Variants in TMEM131 observed in about 807,000 individuals in gnomAD.
TMEM131 encodes the protein transmembrane protein 131.
A neutral mutation model predicts 211.6 loss-of-function variants in TMEM131; 66 were observed. That is an observed-to-expected ratio of 0.31 (90% CI 0.26 to 0.38). The LOEUF (loss-of-function observed/expected upper bound fraction) is 0.38, where lower values mean the gene tolerates loss of function less well. TMEM131 is among the 10% of genes least tolerant of loss of function. TMEM131 has a pLI of 1.00. For missense variants in TMEM131, 2,036 were observed against 2,299.3 expected (o/e 0.89, Z 2.34); for synonymous variants, 844 against 841.3 (o/e 1.00, Z -0.06).
chr2:97,957,748 A>C (rs189430481), intron 1 of TMEM131, among the ~76,000 whole-genome samples: 72 of 152,380 alleles, frequency 4.7e-4, no homozygotes, highest in African/African-American at 1.4e-3. Flanking sequence ...CATGGCTGCC[A>C]AGTATGTTGA....
intron 2 of TMEM131, among the ~76,000 whole-genome samples, chr2:97,925,244 T>C (rs919103506): frequency 6.6e-6 from 1 of 152,180 alleles, no homozygotes; most frequent in Non-Finnish European, 1.5e-5. Context: ...TGCTTGTAAA[T>C]GAAAGAATCT....
Position 97,775,933 on chromosome 2 carries a change from T to C in TMEM131, c.4230A>G (p.Glu1410=), listed in dbSNP as rs764478263. The C allele has an allele frequency of 1.6e-5, 26 of 1,613,930 alleles. No individual in the cohort carries two copies. The South Asian group carries it at 2.5e-4, about 16-fold the overall frequency. ...KEKKGKGKPQ[E]DELKDSLADD... The stretch of plus-strand genomic sequence containing the variant: ...CAGCCAAAGAGTCCTTCAGCTCATC[T>C]TCCTGTGGCTTTCCCTTTCCCTTCT... The change falls in exon 32 of 41, where the codon GAA becomes GAG. Residue 1410 remains glutamate (E), a synonymous_variant. Transcript: ENST00000186436.
intron 11 of TMEM131, among the ~76,000 whole-genome samples, chr2:97,823,456 T>G (rs1682222317): frequency 6.6e-6 from 1 of 152,226 alleles, no homozygotes; most frequent in Non-Finnish European, 1.5e-5. Context: ...TGTCATGCTA[T>G]TGTTAGATCA....
At chr2:97,930,036 C>T (rs566375644) in intron 1 of TMEM131, among the ~76,000 whole-genome samples, 2 of 151,802 alleles carry the variant, frequency 1.3e-5, no homozygotes, top group Non-Finnish European at 2.9e-5. Context: ...CTGTTCCCCC[C>T]ACTTTTTAAC....
intron 2 of TMEM131, among the ~76,000 whole-genome samples, chr2:97,912,226 G>A (rs11688829): frequency 0.31 from 47,080 of 151,996 alleles, 8,605 homozygotes; most frequent in Non-Finnish European, 0.39. Context: ...AAGGAAAAAA[G>A]GAAATGGGAA....
chr2:97,792,267 T>C, intron 31 of TMEM131, 119 bp downstream of exon 31: 1 of 798,458 alleles, frequency 1.3e-6, no homozygotes, highest in South Asian at 2.3e-5. Flanking sequence ...GAGATAAATC[T>C]GAGCCAGAGG....
intron 31 of TMEM131, among the ~76,000 whole-genome samples, chr2:97,791,636 C>A (rs916073594): frequency 2.0e-5 from 3 of 152,236 alleles, no homozygotes; most frequent in Non-Finnish European, 2.9e-5. Context: ...ACCTTGACTG[C>A]AGTCCTGTGT....
chr2:97,810,988 T>C (rs1298698753), intron 18 of TMEM131, 140 bp downstream of exon 18: 3 of 665,404 alleles, frequency 4.5e-6, no homozygotes, highest in Admixed American at 2.4e-5. Context: ...TATAAACTAT[T>C]CTCGAAAGCT....
intron 1 of TMEM131, among the ~76,000 whole-genome samples, chr2:97,951,458 A>G (rs1415267928): frequency 1.3e-5 from 2 of 152,056 alleles, no homozygotes; most frequent in Non-Finnish European, 2.9e-5. Flanking sequence ...GGCTTGTTCT[A>G]CAGTCACCTC....
At chr2:97,757,965 T>C (rs867825741) in intron 40 of TMEM131, among the ~76,000 whole-genome samples, 17 of 152,120 alleles carry the variant, frequency 1.1e-4, no homozygotes, top group African/African-American at 4.1e-4. Flanking sequence ...ACCCCGTCTC[T>C]ACTAAAAATA....
chr2:97,840,710 AG>A (rs57635840), intron 7 of TMEM131, among the ~76,000 whole-genome samples: 10,907 of 152,314 alleles, frequency 0.072, 465 homozygotes, highest in Middle Eastern at 0.11. Context: ...AAACAACAGA[AG>A]GATGGTGAGG....
At chr2:97,865,398 G>A (rs149749565) in intron 4 of TMEM131, among the ~76,000 whole-genome samples, 112 of 152,320 alleles carry the variant, frequency 7.4e-4, no homozygotes, top group African/African-American at 2.5e-3. Flanking sequence ...TCACCATTAA[G>A]TACGATGTCA....
chr2:97,941,290 G>A (rs576431272), intron 1 of TMEM131, among the ~76,000 whole-genome samples: 3 of 152,208 alleles, frequency 2.0e-5, no homozygotes, highest in South Asian at 4.1e-4. Context: ...GCTGAAACTG[G>A]ATCCCTTCCT....
chr2:97,825,452 CG>C (rs777640083), intron 11 of TMEM131, among the ~76,000 whole-genome samples: 103 of 152,260 alleles, frequency 6.8e-4, no homozygotes, highest in Middle Eastern at 6.8e-3. Flanking sequence ...AAAACAGTTA[CG>C]GGGGTTCCTT....
Position 97,775,997 on chromosome 2 carries a change from C to T in TMEM131, c.4166G>A (p.Arg1389His), listed in dbSNP as rs747705474. The T allele has an allele frequency of 3.7e-6, 6 of 1,613,172 alleles. No homozygotes were observed. The highest frequency in any genetic ancestry group is 2.2e-5 in the East Asian group (1 of 44,878). The change falls in exon 32 of 41, where the codon CGC becomes CAC. Residue 1389 changes from arginine to histidine, a missense_variant. Arg to His is a conservative substitution (Grantham distance 29). This residue lies in a region of TMEM131 where 1,623 missense variants were observed against 1,805.9 expected (regional missense o/e 0.90). Coordinates refer to ENST00000186436, the MANE Select transcript of TMEM131 (RefSeq NM_015348.2). ...KSKGKGKPLQ[R>H]KVKPPKKQEE... ...TTGCTTCTTAGGTGGTTTCACCTTG[C>T]GCTGAAGAGGTTTTCCTTTCCCTGA...
At chr2:97,894,238 T>C (rs1028962148) in intron 3 of TMEM131, among the ~76,000 whole-genome samples, 3 of 152,226 alleles carry the variant, frequency 2.0e-5, no homozygotes, top group African/African-American at 7.2e-5. Flanking sequence ...TATTGGTTTA[T>C]GTATCTGTTT....
chr2:97,779,571 C>T (rs1182782433), intron 31 of TMEM131, among the ~76,000 whole-genome samples: 1 of 152,208 alleles, frequency 6.6e-6, no homozygotes, highest in Non-Finnish European at 1.5e-5. Flanking sequence ...CAAAGTGTCC[C>T]CTGTTGCCCC....
At chr2:97,967,545 G>A (rs1679111932) in intron 1 of TMEM131, among the ~76,000 whole-genome samples, 1 of 151,992 alleles carries the variant, frequency 6.6e-6, no homozygotes. Flanking sequence ...AGATCACATG[G>A]AAATAAGAAA....
chr2:97,761,084 AG>A, intron 36 of TMEM131, 170 bp from the exon 37 acceptor site: 1 of 761,642 alleles, frequency 1.3e-6, no homozygotes, highest in South Asian at 1.8e-5. Flanking sequence ...CTGCTTAATC[AG>A]ACAGAGATAG....
Sources: gnomAD v4.1 joint callset for allele counts (sites outside exome capture counted in the v4.1 genomes callset) on GRCh38, gnomAD v4.1.1 for gene constraint, gnomAD v4.1.1 regional missense constraint, MANE v1.5 for transcripts, NCBI Gene and HGNC (gene_info 2026-07-23, HGNC 2026-07-21) for gene names.